PFKP: variants seen among roughly 807,000 people sequenced by gnomAD.
The protein encoded by PFKP is ATP-dependent 6-phosphofructokinase, platelet type.
Under a neutral mutation model 94.3 loss-of-function variants are expected in PFKP, and 101 were observed. The observed-to-expected ratio is 1.07, with a 90% CI of 0.91 to 1.26. PFKP has a LOEUF of 1.26. PFKP is among the 50% of genes most tolerant of loss of function. The pLI, the probability that PFKP is intolerant of heterozygous loss-of-function variation, is 0.00. For missense variants in PFKP, 1,145 were observed against 1,103.3 expected (o/e 1.04, Z -0.53); for synonymous variants, 573 against 432.6 (o/e 1.32, Z -4.03).
At chr10:3,131,869 TC>T (rs771705638) in intron 17 of PFKP, among the ~76,000 whole-genome samples, 33 of 152,286 alleles carry the variant, frequency 2.2e-4, no homozygotes, top group Non-Finnish European at 4.3e-4. Flanking sequence ...CTTGTAATCC[TC>T]CTAACATGAT....
intron 4 of PFKP, among the ~76,000 whole-genome samples, chr10:3,103,499 G>A (rs1281208778): frequency 6.6e-6 from 1 of 152,266 alleles, no homozygotes; most frequent in South Asian, 2.1e-4. Flanking sequence ...TAAGAAATCA[G>A]CCAGGCATAG....
rs191308826 is a variant in PFKP, at chr10:3,103,772, C to T, written c.455-7C>T. The T allele has an allele frequency of 9.6e-5, 155 of 1,613,720 alleles. No homozygotes were observed. Among genetic ancestry groups the T allele is most frequent in the South Asian group, 4.8e-4 (44 of 91,080 alleles). On this transcript the variant is annotated splice_region_variant and splice_polypyrimidine_tract_variant and intron_variant, in intron 4 of 21. Coordinates refer to ENST00000381125, the MANE Select transcript of PFKP (RefSeq NM_002627.5). ...GCGATGAGACGTGCTGTTTGCTCCC[C>T]GCGCAGGCCAGATCGATAAGGAGGC...
chr10:3,100,537 G>A (rs996892211), intron 3 of PFKP, among the ~76,000 whole-genome samples: 12 of 152,168 alleles, frequency 7.9e-5, no homozygotes, highest in Non-Finnish European at 1.0e-4. Flanking sequence ...ACGCACTCAC[G>A]TCACTGCAGG....
rs1179776236 is a variant in PFKP, at chr10:3,123,446, TAGGGAAG to T, written c.1683+3407_1683+3413del. Among the ~76,000 whole-genome samples the T allele has an allele frequency of 3.3e-5, 5 of 152,106 alleles. No homozygotes were observed. The East Asian group carries it at 9.6e-4, about 29-fold the overall frequency. On this transcript the variant is annotated intron_variant, in intron 16 of 21. Transcript: ENST00000381125. ...ACTGAAGGAAGGAAAAGAGGAGTGA[TAGGGAAG>T]AGGGGAGAGAGGATTTGCAGCATTG... is the stretch of plus-strand genomic sequence containing the variant.
chr10:3,134,754 G>C (rs1384610421), intron 20 of PFKP, among the ~76,000 whole-genome samples, 172 bp downstream of exon 20: 1 of 152,208 alleles, frequency 6.6e-6, no homozygotes, highest in Non-Finnish European at 1.5e-5. Context: ...AACCAACCTT[G>C]GATTCCTGGG....
rs749439274 is a variant in PFKP at position 3,120,024 on chromosome 10, G to A, written c.1663G>A (p.Ala555Thr). ...CGATTTCAGCATCGGGGCAGACACCGCCCTGAACACTATCACCGACGTAAG... is the reference window on the plus strand; with the variant it reads ...CGATTTCAGCATCGGGGCAGACACCACCCTGAACACTATCACCGACGTAAG... The part of the protein sequence containing the change: ...GSDFSIGADT[A>T]LNTITDTCDR... Residue 555 changes from alanine (A) to threonine (T), a missense_variant, in exon 16 of 22, where the codon GCC becomes ACC. Transcript: ENST00000381125. 3.1e-6 allele frequency: 5 copies of A among 1,613,932 alleles called. No homozygotes were observed. Among genetic ancestry groups the A allele is most frequent in the Admixed American group, 1.7e-5 (1 of 60,002 alleles).
chr10:3,121,665 A>G (rs906900884), intron 16 of PFKP, among the ~76,000 whole-genome samples: 3 of 151,468 alleles, frequency 2.0e-5, no homozygotes, highest in Admixed American at 6.6e-5. Context: ...GTGGGGCAAA[A>G]ACACCCCACA....
intron 8 of PFKP, chr10:3,107,944 G>A (rs890122639): frequency 7.0e-6 from 9 of 1,289,536 alleles, no homozygotes; most frequent in South Asian, 3.7e-5. Flanking sequence ...CAGCAGCCAC[G>A]GGGCAGAAGA....
chr10:3,102,238 G>C (rs1475555579), intron 4 of PFKP, among the ~76,000 whole-genome samples: 2 of 78,366 alleles, frequency 2.6e-5, no homozygotes, highest in Non-Finnish European at 5.2e-5. Context: ...GCGACAGAGC[G>C]AGACTCTGTC....
At chr10:3,088,973 C>T (rs1833841327) in intron 2 of PFKP, among the ~76,000 whole-genome samples, 1 of 152,054 alleles carries the variant, frequency 6.6e-6, no homozygotes, top group South Asian at 2.1e-4. Flanking sequence ...GCTCTGTTGC[C>T]CAGGCTGGAG....
chr10:3,069,337 T>C, intron 1 of PFKP: 1 of 1,575,810 alleles, frequency 6.3e-7, no homozygotes, highest in Non-Finnish European at 8.6e-7. Flanking sequence ...AACAGGAGAG[T>C]GAAGTGGAAA....
At chr10:3,134,720 C>A in intron 20 of PFKP, 138 bp downstream of exon 20, 1 of 594,764 alleles carries the variant, frequency 1.7e-6, no homozygotes, top group Non-Finnish European at 3.0e-6. Flanking sequence ...ATGTTTTACT[C>A]CTGATCTCTG....
chr10:3,109,400 A>AC lies in PFKP; in HGVS notation c.1013dup (p.Asp339GlyfsTer66). ...GGCAGTCATCGCCTTGCTAGAGGCC[A>AC]CCCCGGACACCCCAGCTTGCGTCGT... is the stretch of plus-strand genomic sequence containing the variant. On this transcript the variant is annotated frameshift_variant, in exon 10 of 22. Transcript: ENST00000381125. LOFTEE classifies it high-confidence loss of function. 1 of 1,610,300 alleles carries AC rather than the reference A, an allele frequency of 6.2e-7. No individual in the cohort carries two copies. Among genetic ancestry groups the AC allele is most frequent in the Non-Finnish European group, 8.5e-7 (1 of 1,179,972 alleles).
At position 3,108,723 on chromosome 10, in the gene PFKP, A is replaced by C; in HGVS notation, c.893A>C (p.Tyr298Ser). 3 of 1,613,900 alleles carry C rather than the reference A, an allele frequency of 1.9e-6. No homozygotes were observed. Among genetic ancestry groups the C allele is most frequent in the Non-Finnish European group, 2.5e-6 (3 of 1,179,864 alleles). ...CAGCTTGTCGTCACGCAGCTGGGCT[A>C]TGACACACGTGTGACCATCCTCGGG... The part of the protein sequence containing the change: ...IKELVVTQLG[Y>S]DTRVTILGHV... Residue 298 changes from tyrosine to serine, a missense_variant, in exon 9 of 22, where the codon TAT becomes TCT. Tyr to Ser is a moderately radical substitution (Grantham distance 144). This residue lies in a region of PFKP where 1,119 missense variants were observed against 1,062.8 expected (regional missense o/e 1.05). Transcript: ENST00000381125.
chr10:3,120,280 G>T (rs1323658041), intron 16 of PFKP, among the ~76,000 whole-genome samples: 1 of 152,074 alleles, frequency 6.6e-6, no homozygotes, highest in Admixed American at 6.5e-5. Flanking sequence ...ACGTAGTGTG[G>T]CCGAGACTCC....
At chr10:3,134,313 T>C (rs1329479001) in intron 19 of PFKP, among the ~76,000 whole-genome samples, 170 bp from the exon 20 acceptor site, 1 of 152,242 alleles carries the variant, frequency 6.6e-6, no homozygotes, top group Non-Finnish European at 1.5e-5. Context: ...CTTGATACTT[T>C]TTCTTAACAG....
At chr10:3,102,591 TTTTA>T (rs947867529) in intron 4 of PFKP, among the ~76,000 whole-genome samples, 3 of 152,068 alleles carry the variant, frequency 2.0e-5, no homozygotes, top group East Asian at 3.9e-4. Flanking sequence ...TTTAAAATTT[TTTTA>T]TTTATTTTTT....
chr10:3,101,198 C>G (rs559852621), intron 3 of PFKP, among the ~76,000 whole-genome samples, 167 bp from the exon 4 acceptor site: 9 of 152,276 alleles, frequency 5.9e-5, no homozygotes, highest in African/African-American at 2.2e-4. Flanking sequence ...TGGTCTGGGA[C>G]TAAAAACAGG....
At chr10:3,091,878 C>G (rs1834067864) in intron 2 of PFKP, among the ~76,000 whole-genome samples, 1 of 152,210 alleles carries the variant, frequency 6.6e-6, no homozygotes, top group Non-Finnish European at 1.5e-5. Context: ...AATATCAGAG[C>G]TGTCTTTGTC....
Sources: gnomAD v4.1 joint callset for allele counts (sites outside exome capture counted in the v4.1 genomes callset) on GRCh38, gnomAD v4.1.1 for gene constraint, gnomAD v4.1.1 regional missense constraint, MANE v1.5 for transcripts, NCBI Gene and HGNC (gene_info 2026-07-23, HGNC 2026-07-21) for gene names.